Variants in PLAAT5 observed in about 807,000 individuals in gnomAD.
PLAAT5 encodes the protein Ca(2+)-independent N-acyltransferase.
PLAAT5 carries 27 observed loss-of-function variants against 27.8 expected under a neutral mutation model. The observed-to-expected ratio is 0.97, with a 90% CI of 0.72 to 1.34. The LOEUF (loss-of-function observed/expected upper bound fraction) is 1.34. PLAAT5 is among the 40% of genes most tolerant of loss of function. PLAAT5 has a pLI of 0.00. For missense variants in PLAAT5, 368 were observed against 343.8 expected, an observed-to-expected ratio of 1.07 and a Z score of -0.56; for synonymous variants, 125 against 136.1, an observed-to-expected ratio of 0.92 and a Z score of 0.57.
chr11:63,464,262 T>C (rs9633996), intron 5 of PLAAT5, among the ~76,000 whole-genome samples: 23,931 of 152,034 alleles, frequency 0.16, 3,143 homozygotes, highest in African/African-American at 0.34. Context: ...GAGACTAACA[T>C]TGGAATGTGA....
chr11:63,479,228 T>C (rs192056349), intron 3 of PLAAT5, among the ~76,000 whole-genome samples: 15 of 152,304 alleles, frequency 9.8e-5, no homozygotes, highest in African/African-American at 3.6e-4. Flanking sequence ...AGAGAGTAAG[T>C]GAAGAAAGGC....
At position 63,490,999 on chromosome 11, in the gene PLAAT5, C is replaced by T. The variant is rs1373762012; in HGVS notation, c.36G>A (p.Ala12=). 1.4e-5 allele frequency: 22 copies of T among 1,539,060 alleles called. No homozygotes were observed. Among genetic ancestry groups the T allele is most frequent in the Non-Finnish European group, 1.7e-5 (20 of 1,143,514 alleles). ...GLSPGAEGEY[A]LRLPRIPPPL... ...GTGGGGGAATCCTAGGGAGGCGGAG[C>T]GCGTACTCCCCCTCGGCGCCCGGGC... Residue 12 remains alanine, a synonymous_variant, in exon 1 of 6, where the codon GCG becomes GCA. Coordinates refer to ENST00000540857, the MANE Select transcript of PLAAT5 (RefSeq NM_001146729.2).
intron 3 of PLAAT5, among the ~76,000 whole-genome samples, chr11:63,473,518 A>G (rs1407028475): frequency 6.6e-6 from 1 of 152,162 alleles, no homozygotes; most frequent in African/African-American, 2.4e-5. Flanking sequence ...TTGACTCCTT[A>G]GGATTTTCTA....
chr11:63,488,107 T>TG (rs753666564), intron 3 of PLAAT5, among the ~76,000 whole-genome samples: 1 of 152,158 alleles, frequency 6.6e-6, no homozygotes, highest in Non-Finnish European at 1.5e-5. Context: ...ATCACGCCAC[T>TG]GCACTCCAGC....
chr11:63,477,445 G>A (rs1347908547), intron 3 of PLAAT5, among the ~76,000 whole-genome samples: 1 of 151,994 alleles, frequency 6.6e-6, no homozygotes, highest in Non-Finnish European at 1.5e-5. Flanking sequence ...TAACCACTGA[G>A]ATATCTGCTT....
In PLAAT5 at chr11:63,468,558, C is replaced by T. The variant is rs1037422591; in HGVS notation, c.346-93G>A. 3.7e-5 allele frequency: 33 copies of T among 895,144 alleles called. No individual in the cohort carries two copies. The African/African-American group carries it at 5.2e-4, about 14-fold the overall frequency. 55.5% of individuals were successfully genotyped at this position (895,144 alleles called of 1,614,324 possible). On this transcript the variant is annotated intron_variant, in intron 3 of 5. Coordinates refer to ENST00000540857, the MANE Select transcript of PLAAT5 (RefSeq NM_001146729.2). ...AGGGACAGCTCAGCCTAAAGATCCC[C>T]TCAGTGTGGTTCATCACTTCACAGA...
At chr11:63,484,612 C>T (rs1291743789) in intron 3 of PLAAT5, among the ~76,000 whole-genome samples, 1 of 151,936 alleles carries the variant, frequency 6.6e-6, no homozygotes, top group Non-Finnish European at 1.5e-5. Context: ...GATTAAAAAC[C>T]TCAACAAAAT....
rs7111600 is a variant in PLAAT5, at chr11:63,463,619, G to A, written c.718-24C>T. ...ACCTGCAAAGCACATCAGTTCACAGGACAATCAGTACCAATCCTAGGCTTG... is the reference window on the plus strand; with the variant it reads ...ACCTGCAAAGCACATCAGTTCACAGAACAATCAGTACCAATCCTAGGCTTG... On this transcript the variant is annotated intron_variant, in intron 5 of 5. Transcript: ENST00000540857. 3.5e-3 allele frequency: 5,618 copies of A among 1,595,360 alleles called. 165 individuals carry two copies. The African/African-American group carries it at 0.064, about 18-fold the overall frequency.
intron 3 of PLAAT5, 31 bp downstream of exon 3, chr11:63,488,840 T>C (rs768843102): frequency 2.1e-6 from 3 of 1,459,712 alleles, no homozygotes; most frequent in South Asian, 2.3e-5. Flanking sequence ...AGGTTAAAGA[T>C]AGTCACTTTG....
intron 3 of PLAAT5, among the ~76,000 whole-genome samples, chr11:63,484,892 C>G (rs765328053): frequency 6.6e-6 from 1 of 152,118 alleles, no homozygotes; most frequent in Admixed American, 6.5e-5. Context: ...CTGGAAAACC[C>G]TAAAGCCTAA....
rs181045301 is a variant in PLAAT5, at chr11:63,472,846, G to A, written c.346-4381C>T. Among the ~76,000 whole-genome samples the A allele has an allele frequency of 4.1e-3, 629 of 152,228 alleles. 4 individuals carry two copies. Among genetic ancestry groups the A allele is most frequent in the African/African-American group, 0.014 (566 of 41,530 alleles). On this transcript the variant is annotated intron_variant, in intron 3 of 5. Coordinates refer to ENST00000540857, the MANE Select transcript of PLAAT5 (RefSeq NM_001146729.2). ...GGCCCAGGCGCGGTGGCTCATGCCT[G>A]TAATCCCAGCACTTTGGGAGGCCAA...
At chr11:63,476,710 T>G (rs945942414) in intron 3 of PLAAT5, among the ~76,000 whole-genome samples, 5 of 152,220 alleles carry the variant, frequency 3.3e-5, no homozygotes, top group Admixed American at 3.3e-4. Flanking sequence ...CTTGGGTGTA[T>G]AGATTAATGT....
intron 3 of PLAAT5, among the ~76,000 whole-genome samples, chr11:63,487,822 A>C (rs533324836): frequency 1.8e-4 from 28 of 152,380 alleles, no homozygotes; most frequent in African/African-American, 6.3e-4. Context: ...TGAACTGTTG[A>C]TAAAAAGCAA....
In PLAAT5 at chr11:63,483,805, A is replaced by G. The variant is rs893845253; in HGVS notation, c.345+5066T>C. On this transcript the variant is annotated intron_variant, in intron 3 of 5. Coordinates refer to ENST00000540857, the MANE Select transcript of PLAAT5 (RefSeq NM_001146729.2). Reference sequence around the variant, plus strand: ...AAAAAATATATATATATATATGTATATATATATATATATATATATATATAT... The same window carrying G: ...AAAAAATATATATATATATATGTATGTATATATATATATATATATATATAT... Among the ~76,000 whole-genome samples, 206 of 36,194 alleles carry G rather than the reference A, an allele frequency of 5.7e-3. 3 individuals are homozygous for G. Among genetic ancestry groups the G allele is most frequent in the East Asian group, 0.01 (14 of 1,350 alleles). 23.7% of individuals were successfully genotyped at this position (36,194 alleles called of 152,430 possible).
chr11:63,484,721 A>G (rs567342108), intron 3 of PLAAT5, among the ~76,000 whole-genome samples: 4 of 152,296 alleles, frequency 2.6e-5, no homozygotes, highest in African/African-American at 9.6e-5. Flanking sequence ...GCATTCCCCC[A>G]GATAACTGGA....
chr11:63,479,986 C>CAGGTAGGT (rs1299589732), intron 3 of PLAAT5, among the ~76,000 whole-genome samples: 1 of 152,180 alleles, frequency 6.6e-6, no homozygotes, highest in African/African-American at 2.4e-5. Flanking sequence ...TACCTGACCA[C>CAGGTAGGT]AGACCCCAAT....
In PLAAT5 at chr11:63,463,469, G is replaced by A. The variant is rs2015770114; in HGVS notation, c.*34C>T. On this transcript the variant is annotated 3_prime_UTR_variant, in exon 6 of 6. Coordinates refer to ENST00000540857, the MANE Select transcript of PLAAT5 (RefSeq NM_001146729.2). ...AAGCATGTTCTTTTTGCTTGTGTCA[G>A]TAACTCTTCCTCTAGCTGGAGTTTT... 1 of 1,511,702 alleles carries A rather than the reference G, an allele frequency of 6.6e-7. No individual in the cohort carries two copies. Among genetic ancestry groups the A allele is most frequent in the Non-Finnish European group, 9.2e-7 (1 of 1,088,574 alleles). The allele number at this position is 1,511,702 out of a possible 1,614,324, so 93.6% of individuals were successfully genotyped here.
Position 63,462,760 on chromosome 11 carries a change from T to G in PLAAT5, c.*743A>C, listed in dbSNP as rs2015751313. ...CCTCACTCACACAGTAGAGTTCAAT[T>G]GATTAAACTTATCAAATTATTTTAA... On this transcript the variant is annotated 3_prime_UTR_variant, in exon 6 of 6. Transcript: ENST00000540857. 1 of 152,182 alleles carries G rather than the reference T, an allele frequency of 6.6e-6. No homozygotes were observed. The highest frequency in any genetic ancestry group is 2.4e-5 in the African/African-American group (1 of 41,438). The allele number at this position is 152,182 out of a possible 1,614,324, so 9.4% of individuals were successfully genotyped here.
chr11:63,475,048 A>T (rs2016119828), intron 3 of PLAAT5, among the ~76,000 whole-genome samples: 1 of 152,134 alleles, frequency 6.6e-6, no homozygotes, highest in African/African-American at 2.4e-5. Context: ...CTTCAAATTT[A>T]CTGAGACTTG....
Sources: gnomAD v4.1 joint callset for allele counts (sites outside exome capture counted in the v4.1 genomes callset) on GRCh38, gnomAD v4.1.1 for gene constraint, MANE v1.5 for transcripts, NCBI Gene and HGNC (gene_info 2026-07-23, HGNC 2026-07-21) for gene names.